UNC79: variants seen among roughly 807,000 people sequenced by gnomAD.
UNC79 encodes protein unc-79 homolog.
Under a neutral mutation model 283.1 loss-of-function variants are expected in UNC79, and 37 were observed. The observed-to-expected ratio is 0.13, with a 90% CI of 0.10 to 0.17. The LOEUF is 0.17. UNC79 is among the 10% of genes least tolerant of loss of function. The probability of loss-of-function intolerance (pLI) is 1.00; values close to 1 mark genes in which losing one functional copy is unlikely to be tolerated. For synonymous variants in UNC79, 1,107 were observed against 1,200.2 expected (o/e 0.92, Z 1.61); for missense variants, 2,272 against 3,211.1 (o/e 0.71, Z 7.07).
At position 93,609,866 on chromosome 14, in the gene UNC79, T is replaced by C. The variant is rs576748928; in HGVS notation, c.3755-2931T>C. Among the ~76,000 whole-genome samples the C allele has an allele frequency of 3.9e-5, 6 of 152,328 alleles. No individual in the cohort carries two copies. In the South Asian group the frequency reaches 1.2e-3, roughly 32 times the overall value. ...AGAGGCAATAAACGAAGTGCAGATTTGCAAAGCCCACTCTGGAGGGGTAAA... is the reference window on the plus strand; with the variant it reads ...AGAGGCAATAAACGAAGTGCAGATTCGCAAAGCCCACTCTGGAGGGGTAAA... On this transcript the variant is annotated intron_variant, in intron 26 of 48. Transcript: ENST00000555664.
intron 1 of UNC79, among the ~76,000 whole-genome samples, chr14:93,335,293 G>A (rs942866163): frequency 2.6e-5 from 4 of 152,072 alleles, no homozygotes; most frequent in African/African-American, 9.7e-5. Context: ...CTGTACTTTT[G>A]AGATCCTGAA....
At chr14:93,675,157 G>T (rs867878142) in intron 41 of UNC79, among the ~76,000 whole-genome samples, 1 of 152,174 alleles carries the variant, frequency 6.6e-6, no homozygotes, top group African/African-American at 2.4e-5. Context: ...CTCTTCAGCA[G>T]TATTTCCCAC....
intron 30 of UNC79, among the ~76,000 whole-genome samples, chr14:93,626,770 G>A (rs1259200997): frequency 6.6e-6 from 1 of 152,006 alleles, no homozygotes; most frequent in Non-Finnish European, 1.5e-5. Flanking sequence ...TAATGTTTTA[G>A]TATAGAGTTT....
chr14:93,501,387 T>C (rs1300940429), intron 7 of UNC79, among the ~76,000 whole-genome samples: 1 of 151,266 alleles, frequency 6.6e-6, no homozygotes, highest in Non-Finnish European at 1.5e-5. Context: ...AATTTACTTA[T>C]AGAAAAATTA....
intron 18 of UNC79, among the ~76,000 whole-genome samples, chr14:93,579,256 C>G (rs2063645854): frequency 6.6e-6 from 1 of 152,220 alleles, no homozygotes. Context: ...AAATCTGCCA[C>G]ATTTTTCTGT....
intron 14 of UNC79, among the ~76,000 whole-genome samples, chr14:93,543,996 AT>A (rs2141221081): frequency 6.6e-6 from 1 of 152,218 alleles, no homozygotes; most frequent in African/African-American, 2.4e-5. Context: ...AGAAAATTGA[AT>A]TTTTGCCTAA....
chr14:93,334,772 C>G (rs577518852), intron 1 of UNC79: 82 of 152,350 alleles, frequency 5.4e-4, no homozygotes, highest in African/African-American at 1.9e-3. Flanking sequence ...ACAGGACGGA[C>G]AGGCAGACTT....
intron 24 of UNC79, among the ~76,000 whole-genome samples, chr14:93,597,796 T>C (rs1349387123): frequency 6.6e-6 from 1 of 152,174 alleles, no homozygotes; most frequent in Non-Finnish European, 1.5e-5. Flanking sequence ...GCCCTGCCCT[T>C]ATGACCTAAT....
intron 39 of UNC79, among the ~76,000 whole-genome samples, chr14:93,659,881 T>G (rs1785085633): frequency 6.6e-6 from 1 of 152,250 alleles, no homozygotes; most frequent in Non-Finnish European, 1.5e-5. Flanking sequence ...GCTGGTGTGG[T>G]GAACTCCTTC....
intron 7 of UNC79, among the ~76,000 whole-genome samples, chr14:93,523,498 G>C (rs1039204470): frequency 6.6e-6 from 1 of 152,070 alleles, no homozygotes; most frequent in Non-Finnish European, 1.5e-5. Context: ...AAGAATCTAG[G>C]ATGTTTAGCA....
intron 1 of UNC79, among the ~76,000 whole-genome samples, chr14:93,458,313 C>T (rs1164470099): frequency 2.6e-5 from 4 of 152,160 alleles, no homozygotes; most frequent in Non-Finnish European, 5.9e-5. Flanking sequence ...TTGGCAAAAA[C>T]AGAACAGAAC....
intron 1 of UNC79, among the ~76,000 whole-genome samples, chr14:93,455,975 T>C (rs996583808): frequency 7.9e-5 from 12 of 151,490 alleles, no homozygotes; most frequent in Non-Finnish European, 8.8e-5. Context: ...ATTGTTGAGA[T>C]GAGGCAAGGA....
rs72692915 is a variant in UNC79, at chr14:93,612,357, G to C, written c.3755-440G>C. On this transcript the variant is annotated intron_variant, in intron 26 of 48. Coordinates refer to ENST00000555664, the Ensembl canonical transcript of UNC79. ...AATAATTTAAACAAAATAACCCAGT[G>C]GTTTTGCCCTCAGTGGATTTTAGAC... Among the ~76,000 whole-genome samples, 1,464 of 152,182 alleles carry C rather than the reference G, an allele frequency of 9.6e-3. 54 individuals carry two copies. The highest frequency in any genetic ancestry group is 0.076 in the Admixed American group (1,164 of 15,278).
At chr14:93,593,813 G>A in exon 23 of UNC79, 2 of 1,613,866 alleles carry the variant, frequency 1.2e-6, no homozygotes, top group Non-Finnish European at 1.7e-6. Context: ...CAACAGCAAA[G>A]ACTGGAAGAT....
intron 40 of UNC79, among the ~76,000 whole-genome samples, chr14:93,670,274 G>A (rs998056812): frequency 1.3e-5 from 2 of 152,164 alleles, no homozygotes; most frequent in Admixed American, 6.5e-5. Context: ...CCTGGAGATA[G>A]CATCAGATCC....
chr14:93,690,552 G>A lies in UNC79; in HGVS notation c.7272+249G>A. 2.5e-6 allele frequency: 1 copy of A among 407,016 alleles called. No homozygotes were observed. Among genetic ancestry groups the A allele is most frequent in the Non-Finnish European group, 4.3e-6 (1 of 231,598 alleles). The allele number at this position is 407,016 out of a possible 1,614,324, so 25.2% of individuals were successfully genotyped here. On this transcript the variant is annotated intron_variant, in intron 45 of 48. Transcript: ENST00000555664. This position sits in a 1 kb window ranked among gnomAD's most constrained non-coding sequence, Gnocchi z 4.3. ...TAAATCATGGAGTCAAGCAAGAGTTGGCTTCCCAGGCATTTCTGTCTCAAA... is the reference window on the plus strand; with the variant it reads ...TAAATCATGGAGTCAAGCAAGAGTTAGCTTCCCAGGCATTTCTGTCTCAAA...
At chr14:93,571,481 A>G (rs1280403095) in intron 14 of UNC79, among the ~76,000 whole-genome samples, 1 of 152,226 alleles carries the variant, frequency 6.6e-6, no homozygotes, top group African/African-American at 2.4e-5. Flanking sequence ...AATACAAAGC[A>G]TGCAGTAGTA....
intron 35 of UNC79, among the ~76,000 whole-genome samples, chr14:93,652,135 C>T (rs568989658): frequency 6.6e-6 from 1 of 151,974 alleles, no homozygotes; most frequent in South Asian, 2.1e-4. Context: ...AGAGTCGGCA[C>T]CCTTTTCTTG....
intron 23 of UNC79, among the ~76,000 whole-genome samples, chr14:93,596,069 G>C (rs2065057827): frequency 6.6e-6 from 1 of 152,092 alleles, no homozygotes. Flanking sequence ...TAATTGATGA[G>C]ATCAAATATA....
Sources: gnomAD v4.1 joint callset for allele counts (sites outside exome capture counted in the v4.1 genomes callset) on GRCh38, gnomAD v4.1.1 for gene constraint, Gnocchi (gnomAD v3.1) non-coding constraint, MANE v1.5 for transcripts, NCBI Gene and HGNC (gene_info 2026-07-23, HGNC 2026-07-21) for gene names.